ACSL3: variants seen among roughly 807,000 people sequenced by gnomAD.
ACSL3 encodes the protein acyl-CoA synthetase long chain family member 3.
A neutral mutation model predicts 84.7 loss-of-function variants in ACSL3; 34 were observed. That is an observed-to-expected ratio of 0.40 (90% CI 0.31 to 0.53). The LOEUF is 0.53. ACSL3 is among the 20% of genes least tolerant of loss of function. ACSL3 has a pLI of 0.48. For missense variants in ACSL3, 680 were observed against 873.1 expected, an observed-to-expected ratio of 0.78 and a Z score of 2.79; for synonymous variants, 315 against 299.4, an observed-to-expected ratio of 1.05 and a Z score of -0.54.
chr2:222,864,366 G>A (rs1695084909), intron 1 of ACSL3, among the ~76,000 whole-genome samples: 1 of 152,236 alleles, frequency 6.6e-6, no homozygotes, highest in Non-Finnish European at 1.5e-5. Flanking sequence ...GGGTATGGGT[G>A]AGATTGCCTG....
At chr2:222,875,104 A>G (rs1294541628) in intron 1 of ACSL3, among the ~76,000 whole-genome samples, 1 of 150,766 alleles carries the variant, frequency 6.6e-6, no homozygotes, top group Non-Finnish European at 1.5e-5. Context: ...AATGTTAAGG[A>G]TAATATATAC....
At chr2:222,907,857 T>G (rs1696334779) in intron 3 of ACSL3, among the ~76,000 whole-genome samples, 1 of 151,966 alleles carries the variant, frequency 6.6e-6, no homozygotes, top group Non-Finnish European at 1.5e-5. Flanking sequence ...CATGGTACGC[T>G]CTCTCTTCCT....
chr2:222,872,797 G>A (rs749485148), intron 1 of ACSL3, among the ~76,000 whole-genome samples: 15 of 152,080 alleles, frequency 9.9e-5, no homozygotes, highest in Non-Finnish European at 1.6e-4. Context: ...GCGGTGTGGT[G>A]GTGGGGCAAC....
At chr2:222,933,315 A>T (rs1175750305) in intron 15 of ACSL3, 35 bp downstream of exon 15, 3 of 1,459,936 alleles carry the variant, frequency 2.1e-6, no homozygotes. Context: ...TTTTACTTAA[A>T]ATATTTGATG....
intron 6 of ACSL3, among the ~76,000 whole-genome samples, 156 bp from the exon 7 acceptor site, chr2:222,918,908 A>G (rs768705476): frequency 7.9e-5 from 12 of 152,078 alleles, no homozygotes; most frequent in Admixed American, 3.9e-4. Context: ...ATACTTAATC[A>G]TCTGTAAAAA....
At chr2:222,872,117 GAC>G (rs1388518774) in intron 1 of ACSL3, among the ~76,000 whole-genome samples, 1 of 152,070 alleles carries the variant, frequency 6.6e-6, no homozygotes, top group Non-Finnish European at 1.5e-5. Context: ...ATAGTACTAA[GAC>G]AATTAATTTT....
In ACSL3 at chr2:222,933,258, A is replaced by G. The variant is rs1697077885; in HGVS notation, c.1825A>G (p.Asn609Asp). 1.9e-6 allele frequency: 3 copies of G among 1,612,932 alleles called. No homozygotes were observed. Among genetic ancestry groups the G allele is most frequent in the Middle Eastern group, 1.7e-4 (1 of 6,056 alleles). Reference protein sequence around the residue: ...AALKNLPLVDNICAYANSYHS... With the variant: ...AALKNLPLVDDICAYANSYHS... ...TTTGAAGAATCTTCCACTAGTAGAT[A>G]ACATTTGTGCATATGCAAACAGGTA... The change falls in exon 15 of 17, where the codon AAC becomes GAC. Residue 609 changes from asparagine (N) to aspartate (D), a missense_variant. Asn to Asp is a conservative substitution (Grantham distance 23). Around this residue, in one of 2 missense-constraint regions of ACSL3, gnomAD observed 347 missense variants for 525.7 expected, o/e 0.66. Transcript: ENST00000357430.
chr2:222,909,925 G>T (rs1011994448), intron 4 of ACSL3, among the ~76,000 whole-genome samples: 1 of 151,984 alleles, frequency 6.6e-6, no homozygotes, highest in Non-Finnish European at 1.5e-5. Context: ...GATAGTTGAG[G>T]TAACCTACCC....
chr2:222,926,234 G>A (rs973644420), intron 11 of ACSL3, among the ~76,000 whole-genome samples: 1 of 152,184 alleles, frequency 6.6e-6, no homozygotes, highest in Non-Finnish European at 1.5e-5. Context: ...GAGGATGTGT[G>A]TAGGCTTTAT....
intron 1 of ACSL3, 51 bp from the exon 2 acceptor site, chr2:222,887,779 T>G (rs1397498588): frequency 6.6e-6 from 1 of 152,222 alleles, no homozygotes; most frequent in South Asian, 2.1e-4. Context: ...CGGCTCTGAT[T>G]AACTAGAATA....
intron 1 of ACSL3, among the ~76,000 whole-genome samples, chr2:222,883,150 T>C (rs1695632899): frequency 1.3e-5 from 2 of 151,664 alleles, no homozygotes; most frequent in East Asian, 3.9e-4. Context: ...ACCTTATTTG[T>C]AGGTGGTTTG....
rs1697377508 is a variant in ACSL3, at chr2:222,943,343, G to T, written c.*1689G>T. ...ACTGCCAAGAAGAAGTAAAAATATT[G>T]AATGGAACTTCTATATGAGGATGCT... On this transcript the variant is annotated 3_prime_UTR_variant, in exon 17 of 17. Coordinates refer to ENST00000357430, the MANE Select transcript of ACSL3 (RefSeq NM_004457.5). The T allele has an allele frequency of 1.6e-5, 3 of 187,934 alleles. No individual in the cohort carries two copies. The highest frequency in any genetic ancestry group is 3.4e-5 in the Non-Finnish European group (3 of 89,380). The allele number at this position is 187,934 out of a possible 1,614,324, so 11.6% of individuals were successfully genotyped here.
In ACSL3 at chr2:222,935,341, A is replaced by G. The variant is rs138375859; in HGVS notation, c.2005+654A>G. 2.1e-3 allele frequency among the ~76,000 whole-genome samples: 320 copies of G among 152,114 alleles called. 3 individuals are homozygous for G. Among genetic ancestry groups the G allele is most frequent in the African/African-American group, 7.3e-3 (304 of 41,484 alleles). ...GTAGCCGGGACTACCAGTGCATGCC[A>G]CTATGCCTAGCTAATTAAAAAAAAT... On this transcript the variant is annotated intron_variant, in intron 16 of 16. Coordinates refer to ENST00000357430, the MANE Select transcript of ACSL3 (RefSeq NM_004457.5).
intron 1 of ACSL3, among the ~76,000 whole-genome samples, chr2:222,885,265 G>A (rs1452272547): frequency 6.6e-6 from 1 of 152,194 alleles, no homozygotes; most frequent in Admixed American, 6.5e-5. Flanking sequence ...CTGGGTCATA[G>A]GAGTCTACAT....
intron 1 of ACSL3, among the ~76,000 whole-genome samples, chr2:222,880,665 A>C (rs1275239331): frequency 6.6e-6 from 1 of 151,776 alleles, no homozygotes; most frequent in Admixed American, 6.6e-5. Flanking sequence ...TGTCTCTACT[A>C]AAAATAAAAA....
At chr2:222,870,865 C>G (rs1695282386) in intron 1 of ACSL3, among the ~76,000 whole-genome samples, 1 of 151,746 alleles carries the variant, frequency 6.6e-6, no homozygotes, top group African/African-American at 2.4e-5. Context: ...TTTTTTTTCC[C>G]CTTTTGGACA....
rs778068313 is a variant in ACSL3 at position 222,934,531 on chromosome 2, T to C, written c.1849T>C (p.Tyr617His). The C allele has an allele frequency of 6.4e-7, 1 of 1,553,702 alleles. No individual in the cohort carries two copies. The highest frequency in any genetic ancestry group is 8.7e-7 in the Non-Finnish European group (1 of 1,148,858). The change falls in exon 16 of 17, where the codon TAT becomes CAT. Residue 617 changes from tyrosine (Y) to histidine (H), a missense_variant and splice_region_variant. Physicochemically the swap from Tyr to His is moderately conservative, Grantham distance 83. Transcript: ENST00000357430. ...TCTGTTATCCTTTCTATATTTCAGT[T>C]ATCATTCTTATGTCATTGGATTTGT... is the stretch of plus-strand genomic sequence containing the variant. ...VDNICAYANS[Y>H]HSYVIGFVVP...
chr2:222,880,562 C>G (rs760861608), intron 1 of ACSL3, among the ~76,000 whole-genome samples: 19 of 152,204 alleles, frequency 1.2e-4, no homozygotes, highest in South Asian at 2.1e-4. Context: ...GGCGCGGTGG[C>G]TCATGCCTGT....
chr2:222,912,651 C>G (rs1317206603), intron 4 of ACSL3, among the ~76,000 whole-genome samples: 2 of 152,132 alleles, frequency 1.3e-5, no homozygotes, highest in African/African-American at 4.8e-5. Context: ...AACTTTGAAG[C>G]TTTGTTTCCA....
Sources: allele counts gnomAD v4.1 joint callset (sites outside exome capture counted in the v4.1 genomes callset), GRCh38; gene constraint gnomAD v4.1.1; regional missense constraint gnomAD v4.1.1; transcripts MANE v1.5; gene names NCBI Gene and HGNC (gene_info 2026-07-23, HGNC 2026-07-21).